The following FIGN variants were observed in gnomAD, a reference collection of about 807,000 sequenced individuals.
FIGN encodes the protein fidgetin, microtubule severing factor, also known as fidgetin.
A neutral mutation model predicts 51.3 loss-of-function variants in FIGN; 11 were observed. The ratio of observed to expected loss-of-function variants is 0.21; its 90% CI spans 0.13 to 0.35. FIGN has a LOEUF of 0.35. Among genes scored for constraint, FIGN ranks in the 10% least tolerant of loss-of-function variants. The pLI is 1.00. For synonymous variants in FIGN, 407 were observed against 363.2 expected (o/e 1.12, Z -1.37); for missense variants, 857 against 943.6 (o/e 0.91, Z 1.20).
chr2:163,606,318 C>A lies in FIGN; in HGVS notation c.*3234G>T, dbSNP rs973629628. 6.6e-6 allele frequency: 1 copy of A among 152,022 alleles called. No individual in the cohort carries two copies. The highest frequency in any genetic ancestry group is 2.1e-4 in the South Asian group (1 of 4,816). The allele number at this position is 152,022 out of a possible 1,614,324, so 9.4% of individuals were successfully genotyped here. On this transcript the variant is annotated 3_prime_UTR_variant, in exon 3 of 3. Transcript: ENST00000333129. ...TCACATATAAGGTCATTATGAACTA[C>A]CTCTTGAATTTCTATTGATCCCAAT... is the stretch of plus-strand genomic sequence containing the variant.
At position 163,734,126 on chromosome 2, in the gene FIGN, T is replaced by C. The variant is rs539557540; in HGVS notation, c.25+777A>G. On this transcript the variant is annotated intron_variant, in intron 2 of 2. Coordinates refer to ENST00000333129, the MANE Select transcript of FIGN (RefSeq NM_018086.4). ...CTCCATTTAACTGACTTTTTTTTTT[T>C]GTAAAGAAAGGAAAGAGCGATTTCA... 1.1e-4 allele frequency among the ~76,000 whole-genome samples: 16 copies of C among 151,962 alleles called. No homozygotes were observed. The South Asian group carries it at 2.1e-3, about 20-fold the overall frequency.
intron 2 of FIGN, among the ~76,000 whole-genome samples, chr2:163,623,158 C>T (rs1447214189): frequency 4.0e-5 from 6 of 151,696 alleles, no homozygotes. Context: ...GAAAGAGTGA[C>T]AGAAGAAAGA....
Position 163,606,977 on chromosome 2 carries a change from G to A in FIGN, c.*2575C>T, listed in dbSNP as rs576659485. The A allele has an allele frequency of 6.6e-6, 1 of 152,210 alleles. No homozygotes were observed. Among genetic ancestry groups the A allele is most frequent in the South Asian group, 2.1e-4 (1 of 4,826 alleles). 9.4% of individuals were successfully genotyped at this position (152,210 alleles called of 1,614,324 possible). On this transcript the variant is annotated 3_prime_UTR_variant, in exon 3 of 3. Coordinates refer to ENST00000333129, the MANE Select transcript of FIGN (RefSeq NM_018086.4). ...TCAATTTATTTTCAGTTTTATAAAT[G>A]AGTGTAAAACACAATAGTGCAGTCA...
chr2:163,622,137 G>A (rs143094294), intron 2 of FIGN, among the ~76,000 whole-genome samples: 326 of 152,104 alleles, frequency 2.1e-3, no homozygotes, highest in African/African-American at 7.7e-3. Flanking sequence ...AATAAACAGG[G>A]CTTACTTTGT....
At chr2:163,656,077 C>T (rs965822653) in intron 2 of FIGN, among the ~76,000 whole-genome samples, 3 of 152,244 alleles carry the variant, frequency 2.0e-5, no homozygotes, top group Middle Eastern at 3.4e-3. Context: ...TAATCAAATA[C>T]ATAACTAGTG....
chr2:163,621,944 C>T (rs1421591930), intron 2 of FIGN, among the ~76,000 whole-genome samples: 1 of 151,974 alleles, frequency 6.6e-6, no homozygotes. Flanking sequence ...CCCATCTCTG[C>T]ACAATTTCAT....
intron 2 of FIGN, among the ~76,000 whole-genome samples, chr2:163,699,830 G>C (rs1214308520): frequency 6.6e-6 from 1 of 152,108 alleles, no homozygotes; most frequent in Non-Finnish European, 1.5e-5. Context: ...ATATTCAGGA[G>C]GCTGAATGAA....
At chr2:163,687,616 G>A (rs1389934767) in intron 2 of FIGN, among the ~76,000 whole-genome samples, 1 of 152,190 alleles carries the variant, frequency 6.6e-6, no homozygotes, top group East Asian at 1.9e-4. Context: ...TTTAGTCACA[G>A]AGGCAATTAG....
intron 2 of FIGN, among the ~76,000 whole-genome samples, chr2:163,730,703 C>A (rs996963495): frequency 6.6e-6 from 1 of 152,018 alleles, no homozygotes; most frequent in Non-Finnish European, 1.5e-5. Flanking sequence ...TTTTCTGAAC[C>A]ATTTGTTTAT....
At chr2:163,713,612 T>G (rs901401843) in intron 2 of FIGN, among the ~76,000 whole-genome samples, 2 of 152,210 alleles carry the variant, frequency 1.3e-5, no homozygotes, top group African/African-American at 4.8e-5. Context: ...GTTTAAATGA[T>G]GTACCATTTT....
chr2:163,648,575 C>T (rs775699271), intron 2 of FIGN, among the ~76,000 whole-genome samples: 23 of 152,134 alleles, frequency 1.5e-4, no homozygotes, highest in Non-Finnish European at 2.6e-4. Flanking sequence ...AGCATGAGTG[C>T]GTTTTTCTAG....
At chr2:163,679,092 A>T (rs1279917869) in intron 2 of FIGN, among the ~76,000 whole-genome samples, 1 of 152,218 alleles carries the variant, frequency 6.6e-6, no homozygotes, top group African/African-American at 2.4e-5. Context: ...CTGCATTCTT[A>T]TACGTTGAAG....
intron 2 of FIGN, among the ~76,000 whole-genome samples, chr2:163,659,012 A>T (rs1381675247): frequency 6.6e-6 from 1 of 152,176 alleles, no homozygotes; most frequent in Non-Finnish European, 1.5e-5. Context: ...CAGCCACATC[A>T]TCTATACCCA....
At chr2:163,624,573 A>G (rs1256831848) in intron 2 of FIGN, among the ~76,000 whole-genome samples, 1 of 151,688 alleles carries the variant, frequency 6.6e-6, no homozygotes, top group Non-Finnish European at 1.5e-5. Context: ...GACTTGGACA[A>G]TTCTCTCTTC....
At chr2:163,622,967 A>G (rs756753269) in intron 2 of FIGN, among the ~76,000 whole-genome samples, 2 of 152,180 alleles carry the variant, frequency 1.3e-5, no homozygotes, top group South Asian at 2.1e-4. Context: ...TCTCCCTGCT[A>G]CCTCTTTAAA....
chr2:163,695,282 T>A (rs1221598675), intron 2 of FIGN, among the ~76,000 whole-genome samples: 2 of 152,158 alleles, frequency 1.3e-5, no homozygotes, highest in African/African-American at 4.8e-5. Flanking sequence ...TTCCCACTAC[T>A]TAATCCCCCA....
intron 2 of FIGN, among the ~76,000 whole-genome samples, chr2:163,666,565 A>G (rs1051914506): frequency 2.0e-5 from 3 of 152,096 alleles, no homozygotes; most frequent in Non-Finnish European, 4.4e-5. Context: ...CTGGACCTCT[A>G]TTTTCTCAAC....
At chr2:163,705,879 C>T (rs898284758) in intron 2 of FIGN, among the ~76,000 whole-genome samples, 1 of 152,066 alleles carries the variant, frequency 6.6e-6, no homozygotes, top group Non-Finnish European at 1.5e-5. Context: ...CTAAAAACAA[C>T]GTCCATTTTA....
chr2:163,652,741 T>C (rs1015751087), intron 2 of FIGN, among the ~76,000 whole-genome samples: 1 of 152,126 alleles, frequency 6.6e-6, no homozygotes, highest in Non-Finnish European at 1.5e-5. Context: ...TAATCCATAA[T>C]TTATCTAAAA....
Sources: gnomAD v4.1 joint callset for allele counts (sites outside exome capture counted in the v4.1 genomes callset) on GRCh38, gnomAD v4.1.1 for gene constraint, MANE v1.5 for transcripts, NCBI Gene and HGNC (gene_info 2026-07-23, HGNC 2026-07-21) for gene names.